Variants in EDEM2 observed in about 807,000 individuals in gnomAD.
EDEM2 encodes the protein ER degradation enhancing alpha-mannosidase like protein 2, also known as ER degradation-enhancing alpha-mannosidase-like protein 2.
Under a neutral mutation model 64.8 loss-of-function variants are expected in EDEM2, and 39 were observed. The ratio of observed to expected loss-of-function variants is 0.60; its 90% CI spans 0.47 to 0.79. EDEM2 has a LOEUF of 0.79. EDEM2 is among the 30% of genes least tolerant of loss of function. The pLI, the probability that EDEM2 is intolerant of heterozygous loss-of-function variation, is 0.00. For synonymous variants in EDEM2, 296 were observed against 291.5 expected (o/e 1.02, Z -0.16); for missense variants, 609 against 731.3 (o/e 0.83, Z 1.93).
intron 2 of EDEM2, among the ~76,000 whole-genome samples, chr20:35,146,360 C>A (rs1386035141): frequency 6.6e-6 from 1 of 152,096 alleles, no homozygotes; most frequent in African/African-American, 2.4e-5. Flanking sequence ...GAGCTGAGAT[C>A]TGAATGACAA....
At chr20:35,136,445 G>A (rs1300545942) in intron 5 of EDEM2, among the ~76,000 whole-genome samples, 1 of 152,126 alleles carries the variant, frequency 6.6e-6, no homozygotes, top group African/African-American at 2.4e-5. Context: ...CCCCAAAGGA[G>A]AGGCAAGTGC....
At chr20:35,117,191 T>C (rs953668956) in intron 10 of EDEM2, 2 of 152,234 alleles carry the variant, frequency 1.3e-5, no homozygotes, top group African/African-American at 2.4e-5. Flanking sequence ...TGATGAAAAC[T>C]ATTGACATTG....
chr20:35,119,450 G>A (rs2085344522), intron 9 of EDEM2, among the ~76,000 whole-genome samples: 1 of 152,056 alleles, frequency 6.6e-6, no homozygotes, highest in African/African-American at 2.4e-5. Context: ...AAAATGATTA[G>A]CTGGGTGTGG....
At position 35,136,924 on chromosome 20, in the gene EDEM2, C is replaced by T. The variant is rs2085584360; in HGVS notation, c.490+956G>A. On this transcript the variant is annotated intron_variant, in intron 5 of 10. Coordinates refer to ENST00000374492, the MANE Select transcript of EDEM2 (RefSeq NM_018217.3). ...GTTGATGCTACTGAGCCTGGTGTTA[C>T]TGCCCCACTAGACAAAAACATGGAG... 3.3e-5 allele frequency among the ~76,000 whole-genome samples: 5 copies of T among 152,270 alleles called. No homozygotes were observed. In the South Asian group the frequency reaches 1.0e-3, roughly 32 times the overall value.
intron 3 of EDEM2, among the ~76,000 whole-genome samples, chr20:35,143,901 C>T (rs1437948988): frequency 6.6e-6 from 1 of 151,144 alleles, no homozygotes; most frequent in Non-Finnish European, 1.5e-5. Flanking sequence ...CATCAGGTTT[C>T]TTTTATATCT....
chr20:35,127,002 T>C (rs6087677), intron 7 of EDEM2, among the ~76,000 whole-genome samples: 78,736 of 152,038 alleles, frequency 0.52, 22,820 homozygotes, highest in East Asian at 0.69. Flanking sequence ...ATTTCTCACG[T>C]GTTGTGGAAG....
intron 8 of EDEM2, among the ~76,000 whole-genome samples, chr20:35,125,089 T>G (rs1265503105): frequency 1.3e-5 from 2 of 152,198 alleles, no homozygotes; most frequent in African/African-American, 2.4e-5. Flanking sequence ...CTAAACAAAA[T>G]TCTTGGTTCC....
chr20:35,134,759 C>T lies in EDEM2; in HGVS notation c.681G>A (p.Glu227=). 1.2e-6 allele frequency: 2 copies of T among 1,613,470 alleles called. No individual in the cohort carries two copies. The highest frequency in any genetic ancestry group is 1.7e-6 in the Non-Finnish European group (2 of 1,180,000). Residue 227 remains glutamate, a synonymous_variant, in exon 6 of 11, where the codon GAG becomes GAA. Coordinates refer to ENST00000374492, the MANE Select transcript of EDEM2 (RefSeq NM_018217.3). The part of the protein sequence containing the change: ...VARVALMRLW[E]SRSDIGLVGN... ...CTACCAGCCCGATATCTGACCGGCT[C>T]TCCCAGAGGCGCATCAAAGCCACTC...
intron 7 of EDEM2, among the ~76,000 whole-genome samples, chr20:35,127,393 C>T (rs2085448549): frequency 6.6e-6 from 1 of 152,160 alleles, no homozygotes; most frequent in Non-Finnish European, 1.5e-5. Context: ...AGTTTGTAAA[C>T]AAGACAAAAT....
At chr20:35,126,070 C>T (rs555516130) in intron 8 of EDEM2, among the ~76,000 whole-genome samples, 181 bp downstream of exon 8, 3 of 152,204 alleles carry the variant, frequency 2.0e-5, no homozygotes, top group Non-Finnish European at 4.4e-5. Flanking sequence ...GTTCCTGACA[C>T]TCAATTTGGC....
intron 7 of EDEM2, among the ~76,000 whole-genome samples, chr20:35,129,238 C>G (rs897393260): frequency 1.3e-5 from 2 of 152,154 alleles, no homozygotes; most frequent in African/African-American, 4.8e-5. Flanking sequence ...GAAACCCCAT[C>G]TCTACTAAAA....
intron 9 of EDEM2, among the ~76,000 whole-genome samples, chr20:35,119,997 C>T (rs2085349883): frequency 6.6e-6 from 1 of 152,148 alleles, no homozygotes; most frequent in Non-Finnish European, 1.5e-5. Context: ...GTCCTGTTTC[C>T]TCCTGGGCTT....
intron 7 of EDEM2, among the ~76,000 whole-genome samples, 185 bp downstream of exon 7, chr20:35,131,457 T>A (rs2085503997): frequency 6.6e-6 from 1 of 152,086 alleles, no homozygotes. Context: ...GCCCAGCTAC[T>A]CAGGAGGCTG....
intron 8 of EDEM2, 105 bp downstream of exon 8, chr20:35,126,146 A>C: frequency 6.9e-7 from 1 of 1,459,852 alleles, no homozygotes; most frequent in East Asian, 2.3e-5. Flanking sequence ...CCTCCAAAAA[A>C]AGTACTCAAG....
At chr20:35,126,440 C>A in intron 7 of EDEM2, 65 bp from the exon 8 acceptor site, 2 of 1,584,414 alleles carry the variant, frequency 1.3e-6, no homozygotes, top group South Asian at 2.3e-5. Context: ...CAGGCCTGGA[C>A]AGCGGAAGCG....
chr20:35,118,613 C>T lies in EDEM2; in HGVS notation c.1221G>A (p.Glu407=), dbSNP rs769821135. Residue 407 remains glutamate, a synonymous_variant, in exon 10 of 11, where the codon GAG becomes GAA. Coordinates refer to ENST00000374492, the MANE Select transcript of EDEM2 (RefSeq NM_018217.3). ...VESIEKISKV[E]CGFATIKDLR... ...AAACACTTACTGTTGCAAATCCGCA[C>T]TCCACCTTGCTGATTTTTTCAATGG... The T allele has an allele frequency of 4.0e-5, 64 of 1,613,998 alleles. No homozygotes were observed. Among genetic ancestry groups the T allele is most frequent in the Non-Finnish European group, 5.1e-5 (60 of 1,179,986 alleles).
At chr20:35,126,673 G>A (rs2085437626) in intron 7 of EDEM2, among the ~76,000 whole-genome samples, 1 of 152,116 alleles carries the variant, frequency 6.6e-6, no homozygotes, top group East Asian at 1.9e-4. Flanking sequence ...AGCACTTTGG[G>A]AGGCCGAGGT....
chr20:35,123,569 G>A (rs918590079), intron 9 of EDEM2, among the ~76,000 whole-genome samples: 7 of 152,118 alleles, frequency 4.6e-5, no homozygotes, highest in Admixed American at 2.0e-4. Flanking sequence ...TTCAGTCTGG[G>A]CAACAATAGC....
rs1266937672 is a variant in EDEM2, at chr20:35,116,020, C to A, written c.1237-87G>T. 3 of 1,461,020 alleles carry A rather than the reference C, an allele frequency of 2.1e-6. No homozygotes were observed. The African/African-American group carries it at 4.2e-5, about 20-fold the overall frequency. The allele number at this position is 1,461,020 out of a possible 1,614,324, so 90.5% of individuals were successfully genotyped here. A position where few individuals can be genotyped will look rare whatever the true frequency, so the allele number is the denominator to read the frequency against. ...CAATCCCTTAAGAAGGCCTGTTCTG[C>A]CACAAAGCAGCTGAGGGCCTGTGAG... On this transcript the variant is annotated intron_variant, in intron 10 of 10. Transcript: ENST00000374492.
Sources: gnomAD v4.1 joint callset for allele counts (sites outside exome capture counted in the v4.1 genomes callset) on GRCh38, gnomAD v4.1.1 for gene constraint, MANE v1.5 for transcripts, NCBI Gene and HGNC (gene_info 2026-07-23, HGNC 2026-07-21) for gene names.